Variants in PTPRD observed in about 807,000 individuals in gnomAD.
PTPRD encodes the protein protein tyrosine phosphatase receptor type D.
In PTPRD, 34 loss-of-function variants were observed where a neutral mutation model predicts 214.5. That is an observed-to-expected ratio of 0.16 (90% CI 0.12 to 0.21). The LOEUF (loss-of-function observed/expected upper bound fraction) is 0.21. Among genes scored for constraint, PTPRD ranks in the 10% least tolerant of loss-of-function variants. The pLI is 1.00. For missense variants in PTPRD, 2,545 were observed against 2,398.7 expected, an observed-to-expected ratio of 1.06 and a Z score of -1.27; for synonymous variants, 1,128 against 845.7, an observed-to-expected ratio of 1.33 and a Z score of -5.79.
At chr9:8,865,133 A>C (rs2098172835) in intron 11 of PTPRD, among the ~76,000 whole-genome samples, 1 of 139,690 alleles carries the variant, frequency 7.2e-6, no homozygotes. Flanking sequence ...ATCACTTTTT[A>C]AAAATAAATC....
chr9:9,947,636 T>TTATTTA (rs1555378050), intron 4 of PTPRD, among the ~76,000 whole-genome samples: 36 of 70,232 alleles, frequency 5.1e-4, no homozygotes, highest in African/African-American at 2.1e-3. Flanking sequence ...AATATATATT[T>TTATTTA]TATATATATA....
intron 4 of PTPRD, among the ~76,000 whole-genome samples, chr9:9,998,777 C>G (rs7028276): frequency 0.5 from 75,646 of 152,022 alleles, 21,557 homozygotes; most frequent in Middle Eastern, 0.73. Context: ...TCTAACAAGA[C>G]CACTTGAGAT....
chr9:10,311,228 T>G (rs775366304), intron 3 of PTPRD, among the ~76,000 whole-genome samples: 7 of 152,002 alleles, frequency 4.6e-5, no homozygotes, highest in Non-Finnish European at 1.0e-4. Flanking sequence ...TTTCTTAATA[T>G]TGCTAACCCA....
intron 7 of PTPRD, among the ~76,000 whole-genome samples, chr9:9,628,286 G>A (rs2154357546): frequency 6.6e-6 from 1 of 152,238 alleles, no homozygotes; most frequent in South Asian, 2.1e-4. Flanking sequence ...AATCTTTCAT[G>A]CTCTAGTTTT....
intron 2 of PTPRD, among the ~76,000 whole-genome samples, chr9:10,516,849 T>A (rs979255407): frequency 5.3e-4 from 81 of 152,126 alleles, no homozygotes; most frequent in African/African-American, 1.7e-3. Context: ...CAATCTTGTA[T>A]GCTTGGTAAC....
chr9:10,089,906 T>C (rs399010), intron 3 of PTPRD, among the ~76,000 whole-genome samples: 39,977 of 151,478 alleles, frequency 0.26, 5,688 homozygotes, highest in East Asian at 0.52. Flanking sequence ...ATGTATGATG[T>C]AATTAAAAAT....
intron 3 of PTPRD, among the ~76,000 whole-genome samples, chr9:10,155,172 A>G (rs999649115): frequency 2.6e-5 from 4 of 152,092 alleles, no homozygotes; most frequent in Admixed American, 6.6e-5. Context: ...CTACATGGTT[A>G]GCTGTAATCC....
At position 8,316,028 on chromosome 9, in the gene PTPRD, A is replaced by G. The variant is rs997177911; in HGVS notation, c.*1846T>C. On this transcript the variant is annotated 3_prime_UTR_variant, in exon 46 of 46. Coordinates refer to ENST00000381196, the MANE Select transcript of PTPRD (RefSeq NM_002839.4). ...AAGTTGCCAATGATATTTGTTACTA[A>G]AATAAGTTTGGTGCAGTTACTGCAT... The G allele has an allele frequency of 4.4e-6, 1 of 228,036 alleles. No individual in the cohort carries two copies. The highest frequency in any genetic ancestry group is 2.2e-5 in the African/African-American group (1 of 45,016). The allele number at this position is 228,036 out of a possible 1,614,324, so 14.1% of individuals were successfully genotyped here.
At chr9:8,435,218 G>C (rs1422774862) in intron 35 of PTPRD, among the ~76,000 whole-genome samples, 2 of 152,176 alleles carry the variant, frequency 1.3e-5, no homozygotes, top group African/African-American at 4.8e-5. Context: ...AATATTTGAA[G>C]ATTTTGGGAA....
intron 9 of PTPRD, among the ~76,000 whole-genome samples, chr9:9,210,708 A>G (rs1354189108): frequency 6.6e-6 from 1 of 152,106 alleles, no homozygotes; most frequent in African/African-American, 2.4e-5. Flanking sequence ...CATGTATGCC[A>G]CATACAAATG....
chr9:9,193,870 G>T (rs920946), intron 9 of PTPRD, among the ~76,000 whole-genome samples: 2 of 151,950 alleles, frequency 1.3e-5, no homozygotes, highest in African/African-American at 4.8e-5. Context: ...ATTTTAAAAT[G>T]TTTTTTCTCA....
At chr9:10,394,872 G>A (rs1186751252) in intron 2 of PTPRD, among the ~76,000 whole-genome samples, 1 of 151,450 alleles carries the variant, frequency 6.6e-6, no homozygotes, top group African/African-American at 2.4e-5. Flanking sequence ...TCATTCCAAA[G>A]ATAATGCTTT....
chr9:9,000,039 C>G (rs1254177728), intron 11 of PTPRD, among the ~76,000 whole-genome samples: 1 of 151,990 alleles, frequency 6.6e-6, no homozygotes, highest in Non-Finnish European at 1.5e-5. Flanking sequence ...TACACTCTGT[C>G]CAAATGCTGC....
At chr9:9,991,132 C>T (rs1385105225) in intron 4 of PTPRD, among the ~76,000 whole-genome samples, 1 of 151,758 alleles carries the variant, frequency 6.6e-6, no homozygotes, top group Non-Finnish European at 1.5e-5. Context: ...CGGGGTTTCA[C>T]CATGTTGGTC....
At chr9:9,675,330 T>C (rs865812436) in intron 7 of PTPRD, among the ~76,000 whole-genome samples, 8 of 151,796 alleles carry the variant, frequency 5.3e-5, no homozygotes, top group Non-Finnish European at 7.4e-5. Context: ...AATAAAAATA[T>C]GAAGAATGCC....
At chr9:8,969,370 G>C (rs1205814247) in intron 11 of PTPRD, among the ~76,000 whole-genome samples, 2 of 151,998 alleles carry the variant, frequency 1.3e-5, no homozygotes, top group Non-Finnish European at 2.9e-5. Context: ...CCACTCCTGA[G>C]CATATATTCC....
chr9:10,266,362 C>G (rs1382157713), intron 3 of PTPRD, among the ~76,000 whole-genome samples: 1 of 151,690 alleles, frequency 6.6e-6, no homozygotes, highest in East Asian at 1.9e-4. Flanking sequence ...ATAAGATATG[C>G]CAGATGTAAA....
rs193020034 is a variant in PTPRD at position 8,932,206 on chromosome 9, G to T, written c.-104+86491C>A. Among the ~76,000 whole-genome samples, 3 of 152,016 alleles carry T rather than the reference G, an allele frequency of 2.0e-5. No individual in the cohort carries two copies. The South Asian group carries it at 6.2e-4, about 31-fold the overall frequency. On this transcript the variant is annotated intron_variant, in intron 11 of 45. Coordinates refer to ENST00000381196, the MANE Select transcript of PTPRD (RefSeq NM_002839.4). ...TGTTTCTTGCCTTCTGCTAGCTTTT[G>T]AATTTGTTTGCTCTTGCCTCTCTAG... is the stretch of plus-strand genomic sequence containing the variant.
chr9:9,442,317 C>T (rs2088357329), intron 8 of PTPRD: 1 of 152,216 alleles, frequency 6.6e-6, no homozygotes, highest in African/African-American at 2.4e-5. Flanking sequence ...CTACTGGTGT[C>T]CCCTAATTTT....
Sources: allele counts gnomAD v4.1 joint callset (sites outside exome capture counted in the v4.1 genomes callset), GRCh38; gene constraint gnomAD v4.1.1; transcripts MANE v1.5; gene names NCBI Gene and HGNC (gene_info 2026-07-23, HGNC 2026-07-21).